C1QTNF1: variants seen among roughly 807,000 people sequenced by gnomAD.
C1QTNF1 encodes the protein C1q and TNF related 1.
In C1QTNF1, 22 loss-of-function variants were observed where a neutral mutation model predicts 27.8. That is an observed-to-expected ratio of 0.79 (90% confidence interval 0.56 to 1.13). C1QTNF1 has a LOEUF of 1.13. C1QTNF1 is among the 50% of genes most tolerant of loss of function. The pLI, the probability that C1QTNF1 is intolerant of heterozygous loss-of-function variation, is 0.00. For missense variants in C1QTNF1, 373 were observed against 380.2 expected, an observed-to-expected ratio of 0.98 and a Z score of 0.16; for synonymous variants, 166 against 154.3, an observed-to-expected ratio of 1.08 and a Z score of -0.56.
chr17:79,039,149 TA>T (rs1222438888), intron 1 of C1QTNF1, among the ~76,000 whole-genome samples: 1 of 151,960 alleles, frequency 6.6e-6, no homozygotes, highest in Non-Finnish European at 1.5e-5. Flanking sequence ...TAGACCAACA[TA>T]AAAACAAATG....
intron 1 of C1QTNF1, among the ~76,000 whole-genome samples, chr17:79,028,847 C>T (rs2072046742): frequency 1.3e-5 from 2 of 151,996 alleles, no homozygotes; most frequent in Middle Eastern, 3.4e-3. Context: ...AATGCACATC[C>T]GATGGGCCAC....
intron 1 of C1QTNF1, among the ~76,000 whole-genome samples, chr17:79,036,113 T>C (rs2072258893): frequency 6.6e-6 from 1 of 152,256 alleles, no homozygotes; most frequent in Non-Finnish European, 1.5e-5. Context: ...CAAAACTTTC[T>C]GCAATGATTG....
chr17:79,047,428 G>A, intron 3 of C1QTNF1, 110 bp from the exon 4 acceptor site: 1 of 1,138,738 alleles, frequency 8.8e-7, no homozygotes, highest in Non-Finnish European at 1.2e-6. Context: ...GCCAGGTCAG[G>A]GCTGTGAGGA....
intron 1 of C1QTNF1, among the ~76,000 whole-genome samples, chr17:79,040,993 G>A (rs1331251455): frequency 2.6e-5 from 4 of 151,678 alleles, no homozygotes; most frequent in Non-Finnish European, 5.9e-5. Context: ...TGTCTCCCTA[G>A]AGGATTGTGG....
chr17:79,043,857 C>A, intron 1 of C1QTNF1, 98 bp from the exon 2 acceptor site: 1 of 1,382,572 alleles, frequency 7.2e-7, no homozygotes. Flanking sequence ...GGAAGCACCT[C>A]CGATTTCCAG....
Position 79,046,694 on chromosome 17 carries a change from G to T in C1QTNF1, c.295G>T (p.Gly99Trp). ...VPQINITILKGEKGDRGDRGL... is the reference protein window; with the variant it reads ...VPQINITILKWEKGDRGDRGL... The stretch of plus-strand genomic sequence containing the variant: ...CCAGATCAACATCACTATCTTGAAA[G>T]GTCAGATGGCTGCAAAGACAAGCAC... The change falls in exon 3 of 4, where the codon GGG becomes TGG. Residue 99 changes from glycine to tryptophan, a missense_variant and splice_region_variant. Gly to Trp is a radical substitution (Grantham distance 184, BLOSUM62 -2). Transcript: ENST00000579760. The surrounding 1 kb of genome is among the most constrained non-coding windows in gnomAD (Gnocchi z 4.8). 1 of 1,614,152 alleles carries T rather than the reference G, an allele frequency of 6.2e-7. No individual in the cohort carries two copies. The highest frequency in any genetic ancestry group is 8.5e-7 in the Non-Finnish European group (1 of 1,180,006).
intron 1 of C1QTNF1, chr17:79,034,111 G>T (rs1054451548): frequency 6.6e-6 from 1 of 152,254 alleles, no homozygotes. Context: ...AACCAAATAC[G>T]TTTGTGCTGC....
In C1QTNF1 at chr17:79,046,664, G is replaced by T. The variant is rs201651330; in HGVS notation, c.265G>T (p.Val89Leu). 6.2e-7 allele frequency: 1 copy of T among 1,614,098 alleles called. No homozygotes were observed. The highest frequency in any genetic ancestry group is 1.7e-5 in the Admixed American group (1 of 60,014). ...PGTSMYPATA[V>L]PQINITILKG... ...TACCTCCATGTACCCGGCGACCGCC[G>T]TGCCCCAGATCAACATCACTATCTT... The change falls in exon 3 of 4, where the codon GTG becomes TTG. Residue 89 changes from valine (V) to leucine (L), a missense_variant. By Grantham distance (32) the Val-to-Leu change is conservative. Coordinates refer to ENST00000579760, the MANE Select transcript of C1QTNF1 (RefSeq NM_030968.5). The surrounding 1 kb of genome is among the most constrained non-coding windows in gnomAD (Gnocchi z 4.8).
intron 2 of C1QTNF1, among the ~76,000 whole-genome samples, chr17:79,045,812 A>C (rs2072555551): frequency 6.6e-6 from 1 of 151,918 alleles, no homozygotes; most frequent in African/African-American, 2.4e-5. Flanking sequence ...GGCTTAGGAG[A>C]GAGGTAGGGG....
At chr17:79,027,603 C>G (rs575376853) in intron 1 of C1QTNF1, 1 of 152,276 alleles carries the variant, frequency 6.6e-6, no homozygotes, top group Non-Finnish European at 1.5e-5. Flanking sequence ...TCCTCCTTCC[C>G]GAGCCCCGCA....
chr17:79,031,153 C>A (rs1313931114), intron 1 of C1QTNF1, among the ~76,000 whole-genome samples: 1 of 150,780 alleles, frequency 6.6e-6, no homozygotes, highest in Non-Finnish European at 1.5e-5. Flanking sequence ...CTACAGGTGT[C>A]TGCCACCACG....
In C1QTNF1 at chr17:79,046,720, G is replaced by C. The variant is rs545938374; in HGVS notation, c.295+26G>C. The C allele has an allele frequency of 6.2e-6, 10 of 1,613,694 alleles. No individual in the cohort carries two copies. In the South Asian group the frequency reaches 8.8e-5, roughly 14 times the overall value. On this transcript the variant is annotated intron_variant, in intron 3 of 3. Transcript: ENST00000579760. The surrounding 1 kb of genome is among the most constrained non-coding windows in gnomAD (Gnocchi z 4.8). ...GTCAGATGGCTGCAAAGACAAGCAC[G>C]GGGTGGCCGGGCTGCTCTGTGCTGA...
In C1QTNF1 at chr17:79,043,820, C is replaced by G. The variant is rs765455805; in HGVS notation, c.-14-135C>G. 4.4e-6 allele frequency: 4 copies of G among 911,444 alleles called. No individual in the cohort carries two copies. The African/African-American group carries it at 6.5e-5, about 15-fold the overall frequency. 56.5% of individuals were successfully genotyped at this position (911,444 alleles called of 1,614,324 possible). On this transcript the variant is annotated intron_variant, in intron 1 of 3. Coordinates refer to ENST00000579760, the MANE Select transcript of C1QTNF1 (RefSeq NM_030968.5). ...TGTCCTCCCAGAAGCTGTGTAACTG[C>G]AGCATTTCCCAGTGGCGTGAGGCTG... is the stretch of plus-strand genomic sequence containing the variant.
In C1QTNF1 at chr17:79,048,241, C is replaced by T. The variant is rs1393145736; in HGVS notation, c.*153C>T. On this transcript the variant is annotated 3_prime_UTR_variant, in exon 4 of 4. Coordinates refer to ENST00000579760, the MANE Select transcript of C1QTNF1 (RefSeq NM_030968.5). ...AGAAAGCCAAAGCGATCGGTGCTCCCAGATCCCGCAGCCTCTGGAGAGAGC... is the reference window on the plus strand; with the variant it reads ...AGAAAGCCAAAGCGATCGGTGCTCCTAGATCCCGCAGCCTCTGGAGAGAGC... 2 of 755,722 alleles carry T rather than the reference C, an allele frequency of 2.6e-6. No individual in the cohort carries two copies. Among genetic ancestry groups the T allele is most frequent in the Non-Finnish European group, 4.1e-6 (2 of 490,694 alleles). The allele number at this position is 755,722 out of a possible 1,614,324, so 46.8% of individuals were successfully genotyped here.
chr17:79,042,476 G>A (rs1442276536), intron 1 of C1QTNF1, among the ~76,000 whole-genome samples: 4 of 152,238 alleles, frequency 2.6e-5, no homozygotes, highest in African/African-American at 9.6e-5. Context: ...CTGGAAGGAT[G>A]ACTGCTCTGT....
At chr17:79,038,734 A>G (rs2072325312) in intron 1 of C1QTNF1, among the ~76,000 whole-genome samples, 1 of 152,198 alleles carries the variant, frequency 6.6e-6, no homozygotes, top group Non-Finnish European at 1.5e-5. Flanking sequence ...GCTGGGACAC[A>G]GCCTCCCTAC....
chr17:79,031,524 T>C (rs888721805), intron 1 of C1QTNF1, among the ~76,000 whole-genome samples: 4 of 152,008 alleles, frequency 2.6e-5, no homozygotes, highest in African/African-American at 9.7e-5. Context: ...TTCACCTCAC[T>C]GCATCCTCGC....
At chr17:79,031,710 C>T (rs1433022365) in intron 1 of C1QTNF1, among the ~76,000 whole-genome samples, 1 of 151,844 alleles carries the variant, frequency 6.6e-6, no homozygotes, top group Non-Finnish European at 1.5e-5. Flanking sequence ...TCCCAAAGTG[C>T]TGGGATTACA....
rs77619548 is a variant in C1QTNF1 at position 79,046,945 on chromosome 17, G to A, written c.295+251G>A. On this transcript the variant is annotated intron_variant, in intron 3 of 3. Coordinates refer to ENST00000579760, the MANE Select transcript of C1QTNF1 (RefSeq NM_030968.5). This position sits in a 1 kb window ranked among gnomAD's most constrained non-coding sequence, Gnocchi z 4.8. The stretch of plus-strand genomic sequence containing the variant: ...CAAGAGCAGGAGAGGGAGCCCAGAG[G>A]CTACTCGGGGTCTCGTCCCTCCAGT... 660 of 539,020 alleles carry A rather than the reference G, an allele frequency of 1.2e-3. 5 individuals are homozygous for A. The highest frequency in any genetic ancestry group is 0.011 in the African/African-American group (597 of 52,930). 33.4% of individuals were successfully genotyped at this position (539,020 alleles called of 1,614,324 possible).
Sources: allele counts gnomAD v4.1 joint callset (sites outside exome capture counted in the v4.1 genomes callset), GRCh38; gene constraint gnomAD v4.1.1; non-coding constraint Gnocchi (gnomAD v3.1); transcripts MANE v1.5; gene names NCBI Gene and HGNC (gene_info 2026-07-23, HGNC 2026-07-21).